The following CEP72 variants were observed in gnomAD, a reference collection of about 807,000 sequenced individuals.
CEP72 encodes centrosomal protein 72, also known as centrosomal protein of 72 kDa.
CEP72 carries 78 observed loss-of-function variants against 65.7 expected under a neutral mutation model. The ratio of observed to expected loss-of-function variants is 1.19; its 90% CI spans 0.99 to 1.43. The LOEUF (loss-of-function observed/expected upper bound fraction) is 1.43, where lower values mean the gene tolerates loss of function less well. CEP72 is among the 40% of genes most tolerant of loss of function. The probability of loss-of-function intolerance (pLI) is 0.00; values close to 1 mark genes in which losing one functional copy is unlikely to be tolerated. For missense variants in CEP72, 914 were observed against 832.9 expected (o/e 1.10, Z -1.20); for synonymous variants, 358 against 351.7 (o/e 1.02, Z -0.20).
At chr5:626,657 G>A (rs1054284366) in intron 4 of CEP72, among the ~76,000 whole-genome samples, 1 of 152,022 alleles carries the variant, frequency 6.6e-6, no homozygotes, top group Non-Finnish European at 1.5e-5. Flanking sequence ...CTGTCTGTAA[G>A]AAAACTTTTT....
chr5:659,796 GC>G (rs1739505268), downstream of CEP72: 1 of 152,404 alleles, frequency 6.6e-6, no homozygotes, highest in African/African-American at 2.4e-5. Context: ...CCCACCTGGG[GC>G]CCCTCCAGTA....
At chr5:658,914 C>A (rs575040386), downstream of CEP72, among the ~76,000 whole-genome samples, 1 of 152,072 alleles carries the variant, frequency 6.6e-6, no homozygotes, top group African/African-American at 2.4e-5. Context: ...GTGATCTGCC[C>A]GCCTCGGCCT....
rs139215555 is a variant in CEP72 at position 624,481 on chromosome 5, C to T, written c.414C>T (p.Pro138=). 71 of 1,613,804 alleles carry T rather than the reference C, an allele frequency of 4.4e-5. No individual in the cohort carries two copies. In the African/African-American group the frequency reaches 7.1e-4, roughly 16 times the overall value. The change falls in exon 4 of 12, where the codon CCC becomes CCT. Residue 138 remains proline (P), a synonymous_variant. Transcript: ENST00000264935. The surrounding 1 kb of genome is among the most constrained non-coding windows in gnomAD (Gnocchi z 4.7). ...GGCCTTTTCTTCTAGACGATCGCCC[C>T]GTGAGAGCAAGCGAGCGGAAGGCTT... is the stretch of plus-strand genomic sequence containing the variant. ...LPKLQQLDDR[P]VRASERKASR...
chr5:669,874 T>G (rs1580079823), downstream of CEP72, among the ~76,000 whole-genome samples: 1 of 152,098 alleles, frequency 6.6e-6, no homozygotes, highest in East Asian at 1.9e-4. Flanking sequence ...AGACACTCAG[T>G]CTGGCTGCCC....
Position 645,502 on chromosome 5 carries a change from T to C in CEP72, c.1666+1077T>C, listed in dbSNP as rs969532169. Reference sequence around the variant, plus strand: ...CAGTTCCCTGCCCGGGAGAACTGTGTGTGTGGTTTGCTCTCCCGGCTCTGT... The same window carrying C: ...CAGTTCCCTGCCCGGGAGAACTGTGCGTGTGGTTTGCTCTCCCGGCTCTGT... On this transcript the variant is annotated intron_variant, in intron 10 of 11. Transcript: ENST00000264935. The surrounding 1 kb of genome is among the most constrained non-coding windows in gnomAD (Gnocchi z 4.0). Among the ~76,000 whole-genome samples the C allele has an allele frequency of 6.7e-6, 1 of 149,972 alleles. No homozygotes were observed. Among genetic ancestry groups the C allele is most frequent in the African/African-American group, 2.5e-5 (1 of 40,770 alleles).
In CEP72 at chr5:635,689, T is replaced by C. The variant is rs1737545016; in HGVS notation, c.904+105T>C. Reference sequence around the variant, plus strand: ...TTATGTGGCTCATGGTTCTGGAGGCTGGGAAGTCCAAGAGCACGGTGCCGG... The same window carrying C: ...TTATGTGGCTCATGGTTCTGGAGGCCGGGAAGTCCAAGAGCACGGTGCCGG... On this transcript the variant is annotated intron_variant, in intron 6 of 11. Coordinates refer to ENST00000264935, the MANE Select transcript of CEP72 (RefSeq NM_018140.4). The C allele has an allele frequency of 3.1e-6, 3 of 977,302 alleles. No individual in the cohort carries two copies. In the East Asian group the frequency reaches 7.5e-5, roughly 24 times the overall value. 60.5% of individuals were successfully genotyped at this position (977,302 alleles called of 1,614,324 possible).
At chr5:642,901 C>G (rs1398988087) in intron 9 of CEP72, 1 of 985,364 alleles carries the variant, frequency 1.0e-6, no homozygotes, top group Non-Finnish European at 1.2e-6. Flanking sequence ...TGAACCTAGA[C>G]CTTGCTTCCT....
chr5:674,401 C>T, the CEP72 span, among the ~76,000 whole-genome samples: 1 of 150,766 alleles, frequency 6.6e-6, no homozygotes, highest in Non-Finnish European at 1.5e-5. Context: ...TGCCCTTGCC[C>T]ACGCAGGCTC....
At chr5:653,907 G>A (rs6892687), downstream of CEP72, among the ~76,000 whole-genome samples, 38,180 of 152,054 alleles carry the variant, frequency 0.25, 4,913 homozygotes, top group East Asian at 0.43. Context: ...ACGTTCAACT[G>A]ATTTGGGAAG....
chr5:643,540 G>A (rs75529604), intron 9 of CEP72: 24,724 of 985,380 alleles, frequency 0.025, 339 homozygotes, highest in African/African-American at 0.028. Context: ...ATGAAGCGGC[G>A]ATACCCCCAG....
chr5:626,991 C>T (rs569416454), intron 4 of CEP72, among the ~76,000 whole-genome samples: 5 of 152,236 alleles, frequency 3.3e-5, no homozygotes, highest in Admixed American at 3.3e-4. Flanking sequence ...CTTATATTGC[C>T]TTTGTCTGGT....
intron 5 of CEP72, among the ~76,000 whole-genome samples, chr5:634,990 G>A (rs1159198329): frequency 6.6e-6 from 1 of 152,180 alleles, no homozygotes; most frequent in Non-Finnish European, 1.5e-5. Flanking sequence ...TTGCCTCCCG[G>A]GTTCAAGTGA....
chr5:640,600 A>T lies in CEP72; in HGVS notation c.1535A>T (p.Glu512Val). 6.2e-7 allele frequency: 1 copy of T among 1,610,952 alleles called. No homozygotes were observed. The highest frequency in any genetic ancestry group is 1.1e-5 in the South Asian group (1 of 90,976). The part of the protein sequence containing the change: ...VTAELHHTHK[E>V]LDDLRQHLDK... ...GCGGAGCTGCACCACACACACAAGG[A>T]GCTGGTGAGCCCGCCCTGGCGCTGT... is the stretch of plus-strand genomic sequence containing the variant. The change falls in exon 9 of 12, where the codon GAG (glutamate) becomes GTG (valine). Residue 512 changes from glutamate to valine, a missense_variant. Physicochemically the swap from Glu to Val is moderately radical, Grantham distance 121 (BLOSUM62 -2). Transcript: ENST00000264935.
At chr5:656,243 G>C (rs796270747), downstream of CEP72, among the ~76,000 whole-genome samples, 12 of 152,202 alleles carry the variant, frequency 7.9e-5, no homozygotes, top group African/African-American at 2.7e-4. Context: ...CACACTCTGG[G>C]GCGCGTACCT....
intron 4 of CEP72, among the ~76,000 whole-genome samples, chr5:666,565 C>A (rs1739923992): frequency 6.6e-6 from 1 of 152,234 alleles, no homozygotes. Context: ...GGAGGGGCTG[C>A]CGCCCCCGGA....
At chr5:671,466 T>G (rs943479222), downstream of CEP72, among the ~76,000 whole-genome samples, 1 of 152,144 alleles carries the variant, frequency 6.6e-6, no homozygotes, top group Non-Finnish European at 1.5e-5. Flanking sequence ...TTTCTGGCTG[T>G]TTGTTTGGAG....
chr5:666,588 T>G (rs1032749058), intron 4 of CEP72, among the ~76,000 whole-genome samples: 3 of 151,348 alleles, frequency 2.0e-5, no homozygotes, highest in Non-Finnish European at 4.4e-5. Context: ...CTTGGCAGCA[T>G]GGGCGCAGGC....
chr5:673,754 T>C, the CEP72 span, among the ~76,000 whole-genome samples: 1 of 152,112 alleles, frequency 6.6e-6, no homozygotes, highest in Non-Finnish European at 1.5e-5. Flanking sequence ...GGGGCCAAGC[T>C]TTAGCCCCCC....
chr5:671,893 C>G (rs367597), downstream of CEP72, among the ~76,000 whole-genome samples: 107,823 of 152,190 alleles, frequency 0.71, 39,579 homozygotes, highest in African/African-American at 0.92. Flanking sequence ...ACCCTTCCCC[C>G]GGGCTGGGTA....
Sources: allele counts gnomAD v4.1 joint callset (sites outside exome capture counted in the v4.1 genomes callset), GRCh38; gene constraint gnomAD v4.1.1; non-coding constraint Gnocchi (gnomAD v3.1); transcripts MANE v1.5; gene names NCBI Gene and HGNC (gene_info 2026-07-23, HGNC 2026-07-21).